PDE1A: variants seen among roughly 807,000 people sequenced by gnomAD.
The protein encoded by PDE1A is phosphodiesterase 1A.
In PDE1A, 35 loss-of-function variants were observed where a neutral mutation model predicts 61.7. That is an observed-to-expected ratio of 0.57 (90% CI 0.43 to 0.75). The LOEUF (loss-of-function observed/expected upper bound fraction) is 0.75, where lower values mean the gene tolerates loss of function less well. PDE1A is among the 30% of genes least tolerant of loss of function. The probability of loss-of-function intolerance (pLI) is 0.00; values close to 1 mark genes in which losing one functional copy is unlikely to be tolerated. For missense variants in PDE1A, 597 were observed against 630.6 expected, an observed-to-expected ratio of 0.95 and a Z score of 0.57; for synonymous variants, 232 against 213.2, an observed-to-expected ratio of 1.09 and a Z score of -0.77.
At chr2:182,270,717 C>T (rs1024335902) in intron 1 of PDE1A, among the ~76,000 whole-genome samples, 6 of 150,838 alleles carry the variant, frequency 4.0e-5, no homozygotes, top group African/African-American at 1.5e-4. Context: ...AAATTATATA[C>T]CTATAATATA....
At chr2:182,659,415 T>C in the PDE1A span, among the ~76,000 whole-genome samples, 1 of 152,136 alleles carries the variant, frequency 6.6e-6, no homozygotes, top group Non-Finnish European at 1.5e-5. Flanking sequence ...CAAACATAAA[T>C]GATAGGGCAT....
chr2:182,515,488 T>C (rs2125970114), intron 2 of PDE1A, among the ~76,000 whole-genome samples: 1 of 152,358 alleles, frequency 6.6e-6, no homozygotes, highest in South Asian at 2.1e-4. Flanking sequence ...TGATTAGAGT[T>C]CAATTTCTAA....
At chr2:182,699,590 G>A in the PDE1A span, among the ~76,000 whole-genome samples, 1 of 152,132 alleles carries the variant, frequency 6.6e-6, no homozygotes, top group African/African-American at 2.4e-5. Flanking sequence ...GACTATAGGA[G>A]GCTAGTTAGA....
At chr2:182,147,778 A>G (rs1690572459) in intron 13 of PDE1A, among the ~76,000 whole-genome samples, 1 of 152,224 alleles carries the variant, frequency 6.6e-6, no homozygotes, top group Non-Finnish European at 1.5e-5. Context: ...AGTAAACAAA[A>G]TAAACAGAAA....
At chr2:182,698,815 G>A in the PDE1A span, among the ~76,000 whole-genome samples, 1 of 152,130 alleles carries the variant, frequency 6.6e-6, no homozygotes, top group Non-Finnish European at 1.5e-5. Flanking sequence ...AAGGCAAAGG[G>A]ATAAAACTGC....
the PDE1A span, among the ~76,000 whole-genome samples, chr2:182,612,678 T>C: frequency 6.6e-6 from 1 of 152,336 alleles, no homozygotes; most frequent in African/African-American, 2.4e-5. Context: ...CATTGGGGCC[T>C]CTATAAAGAT....
chr2:182,223,392 A>C (rs1306232709), intron 7 of PDE1A, among the ~76,000 whole-genome samples: 3 of 152,060 alleles, frequency 2.0e-5, no homozygotes, highest in Non-Finnish European at 4.4e-5. Flanking sequence ...TTCCATTGTA[A>C]CCATCATCAA....
At chr2:182,489,597 C>T (rs1688251780) in intron 2 of PDE1A, among the ~76,000 whole-genome samples, 1 of 152,106 alleles carries the variant, frequency 6.6e-6, no homozygotes, top group African/African-American at 2.4e-5. Context: ...AGGTAGATTC[C>T]ACAAGATTTC....
At chr2:182,256,038 C>CTTTTTTTTTTTTTTTTTTTTTTGTTTT (rs755211798) in intron 2 of PDE1A, among the ~76,000 whole-genome samples, 31 of 92,314 alleles carry the variant, frequency 3.4e-4, no homozygotes, top group Non-Finnish European at 4.5e-4. Context: ...AGGATGACTT[C>CTTTTTTTTTTTTTTTTTTTTTTGTTTT]TTTTTTTTTT....
At chr2:182,453,014 T>A (rs1685631201) in intron 2 of PDE1A, among the ~76,000 whole-genome samples, 1 of 152,168 alleles carries the variant, frequency 6.6e-6, no homozygotes, top group Admixed American at 6.6e-5. Flanking sequence ...GCTGACCTAT[T>A]AGAAAACCTT....
chr2:182,386,699 G>A lies in PDE1A; in HGVS notation c.53+39879C>T, dbSNP rs531841437. Among the ~76,000 whole-genome samples, 245 of 149,078 alleles carry A rather than the reference G, an allele frequency of 1.6e-3. 1 individual carries two copies. Among genetic ancestry groups the A allele is most frequent in the African/African-American group, 5.8e-3 (225 of 39,024 alleles). On this transcript the variant is annotated intron_variant, in intron 1 of 13. Coordinates refer to ENST00000351439, the Ensembl canonical transcript of PDE1A. The stretch of plus-strand genomic sequence containing the variant: ...AGCCCCTCCGCCCGGCAGCTGCCCC[G>A]TCTGGGAAGTGAGGAGCGTCTCCGC...
the PDE1A span, among the ~76,000 whole-genome samples, chr2:182,539,306 C>G: frequency 6.6e-6 from 1 of 152,172 alleles, no homozygotes; most frequent in Non-Finnish European, 1.5e-5. Context: ...CGAGCCATCA[C>G]AAATCCTTGG....
chr2:182,618,535 A>G, the PDE1A span, among the ~76,000 whole-genome samples: 3 of 151,998 alleles, frequency 2.0e-5, no homozygotes, highest in Non-Finnish European at 4.4e-5. Flanking sequence ...AAGAATCTAC[A>G]CTAAGAATCA....
intron 2 of PDE1A, among the ~76,000 whole-genome samples, chr2:182,444,635 C>T (rs1464202508): frequency 6.6e-6 from 1 of 151,820 alleles, no homozygotes; most frequent in Non-Finnish European, 1.5e-5. Context: ...CTCTCTCTTT[C>T]TCTCTCTCTT....
At chr2:182,452,233 A>C (rs1685573993) in intron 2 of PDE1A, among the ~76,000 whole-genome samples, 1 of 152,128 alleles carries the variant, frequency 6.6e-6, no homozygotes, top group African/African-American at 2.4e-5. Flanking sequence ...TACCAACATG[A>C]CTGCATAGGT....
chr2:182,150,125 T>C (rs1441015595), intron 13 of PDE1A, among the ~76,000 whole-genome samples: 2 of 152,136 alleles, frequency 1.3e-5, no homozygotes, highest in Non-Finnish European at 2.9e-5. Context: ...ATATAATAAA[T>C]AGATATATAG....
rs981044595 is a variant in PDE1A at position 182,514,200 on chromosome 2, A to G, written c.101+8076T>C. On this transcript the variant is annotated intron_variant, in intron 2 of 14. Coordinates refer to the PDE1A transcript ENST00000410103. ...AGAGATGACACAAATAAATGGAAAA[A>G]CATTCCATGCTCATGGGTAGGAAGA... Among the ~76,000 whole-genome samples, 3 of 152,218 alleles carry G rather than the reference A, an allele frequency of 2.0e-5. No individual in the cohort carries two copies. The East Asian group carries it at 5.8e-4, about 29-fold the overall frequency.
chr2:182,186,016 G>A (rs2125396504), exon 13 of PDE1A: 1 of 1,614,028 alleles, frequency 6.2e-7, no homozygotes, highest in Middle Eastern at 1.7e-4. Context: ...CATCACTCAT[G>A]GAGCCTTTTG....
chr2:182,641,288 C>G, the PDE1A span, among the ~76,000 whole-genome samples: 1 of 151,880 alleles, frequency 6.6e-6, no homozygotes, highest in Non-Finnish European at 1.5e-5. Flanking sequence ...TTTCACCATT[C>G]TATTTTAGTT....
Sources: gnomAD v4.1 joint callset for allele counts (sites outside exome capture counted in the v4.1 genomes callset) on GRCh38, gnomAD v4.1.1 for gene constraint, MANE v1.5 for transcripts, NCBI Gene and HGNC (gene_info 2026-07-23, HGNC 2026-07-21) for gene names.